ENTHD1: variants seen among roughly 807,000 people sequenced by gnomAD.
The protein encoded by ENTHD1 is ENTH domain containing 1.
Under a neutral mutation model 39.1 loss-of-function variants are expected in ENTHD1, and 23 were observed. The ratio of observed to expected loss-of-function variants is 0.59; its 90% CI spans 0.42 to 0.83. The LOEUF is 0.83. Ranked by LOEUF, ENTHD1 falls within the 40% of genes least tolerant of loss-of-function variation. The probability of loss-of-function intolerance (pLI) is 0.00; values close to 1 mark genes in which losing one functional copy is unlikely to be tolerated. For synonymous variants in ENTHD1, 230 were observed against 258.2 expected, an observed-to-expected ratio of 0.89 and a Z score of 1.05; for missense variants, 624 against 705.4, an observed-to-expected ratio of 0.88 and a Z score of 1.31.
intron 5 of ENTHD1, among the ~76,000 whole-genome samples, chr22:39,785,215 T>C (rs1467998628): frequency 4.6e-5 from 7 of 152,212 alleles, no homozygotes; most frequent in Non-Finnish European, 8.8e-5. Context: ...GAAATGCTGA[T>C]GGAGTGAGGT....
chr22:39,858,161 T>G (rs2066110200), intron 3 of ENTHD1, among the ~76,000 whole-genome samples: 1 of 152,258 alleles, frequency 6.6e-6, no homozygotes, highest in South Asian at 2.1e-4. Flanking sequence ...TTACTAAGTT[T>G]ATGTAATATT....
chr22:39,840,867 C>G (rs562928561), intron 3 of ENTHD1, among the ~76,000 whole-genome samples: 1 of 152,222 alleles, frequency 6.6e-6, no homozygotes, highest in South Asian at 2.1e-4. Flanking sequence ...ATTCTCCTGC[C>G]TCAGCCTCCC....
At chr22:39,891,229 T>C (rs974394764) in intron 1 of ENTHD1, among the ~76,000 whole-genome samples, 12 of 152,210 alleles carry the variant, frequency 7.9e-5, no homozygotes, top group African/African-American at 2.2e-4. Flanking sequence ...ATTTCCTTCA[T>C]TGCACTTGTA....
In ENTHD1 at chr22:39,859,648, C is replaced by A. The variant is rs566551542; in HGVS notation, c.592+2117G>T. Among the ~76,000 whole-genome samples, 36 of 152,226 alleles carry A rather than the reference C, an allele frequency of 2.4e-4. 1 individual carries two copies. Among genetic ancestry groups the A allele is most frequent in the Middle Eastern group, 3.4e-3 (1 of 294 alleles). Reference sequence around the variant, plus strand: ...GACATCTATCAGTAAGTTCACTGGTCTTCTACAGCCATGGTTTGTGGTACC... The same window carrying A: ...GACATCTATCAGTAAGTTCACTGGTATTCTACAGCCATGGTTTGTGGTACC... On this transcript the variant is annotated intron_variant, in intron 3 of 6. Coordinates refer to ENST00000325157, the MANE Select transcript of ENTHD1 (RefSeq NM_152512.4).
At chr22:39,843,154 T>C (rs1253799609) in intron 3 of ENTHD1, among the ~76,000 whole-genome samples, 2 of 152,246 alleles carry the variant, frequency 1.3e-5, no homozygotes, top group Admixed American at 6.5e-5. Context: ...TAAAGACACA[T>C]GCACATGTAT....
chr22:39,867,907 T>C lies in ENTHD1; in HGVS notation c.350-5900A>G, dbSNP rs536237073. On this transcript the variant is annotated intron_variant, in intron 2 of 6. Coordinates refer to ENST00000325157, the MANE Select transcript of ENTHD1 (RefSeq NM_152512.4). This position sits in a 1 kb window ranked among gnomAD's most constrained non-coding sequence, Gnocchi z 4.5. The stretch of plus-strand genomic sequence containing the variant: ...GACACTGCCAGTCTCAAAAACAAGA[T>C]AAAAACCCCCACGAAGCAGAAATAT... Among the ~76,000 whole-genome samples the C allele has an allele frequency of 7.2e-5, 11 of 151,796 alleles. No individual in the cohort carries two copies. Among genetic ancestry groups the C allele is most frequent in the Admixed American group, 3.3e-4 (5 of 15,252 alleles).
intron 2 of ENTHD1, 74 bp downstream of exon 2, chr22:39,887,326 C>T: frequency 7.5e-7 from 1 of 1,341,840 alleles, no homozygotes; most frequent in Non-Finnish European, 1.0e-6. Context: ...GTCCTCCCAC[C>T]TCAGCCTCCC....
At chr22:39,863,410 G>C (rs1207616965) in intron 2 of ENTHD1, among the ~76,000 whole-genome samples, 1 of 152,176 alleles carries the variant, frequency 6.6e-6, no homozygotes, top group Non-Finnish European at 1.5e-5. Context: ...TCTAGTGAGA[G>C]TGATAGCTCT....
intron 6 of ENTHD1, among the ~76,000 whole-genome samples, chr22:39,748,185 G>T (rs2065121225): frequency 6.6e-6 from 1 of 151,166 alleles, no homozygotes. Flanking sequence ...GGAGTTTGAG[G>T]CTGCAGTGAG....
intron 5 of ENTHD1, among the ~76,000 whole-genome samples, chr22:39,813,964 T>C (rs2065713053): frequency 6.6e-6 from 1 of 151,836 alleles, no homozygotes; most frequent in Non-Finnish European, 1.5e-5. Flanking sequence ...GCAATGAAAA[T>C]ACATAAGTAC....
intron 5 of ENTHD1, among the ~76,000 whole-genome samples, chr22:39,813,865 G>A (rs1248260247): frequency 1.3e-5 from 2 of 151,830 alleles, no homozygotes; most frequent in African/African-American, 4.8e-5. Flanking sequence ...CAGGTCTGCT[G>A]GATACAAAAT....
At chr22:39,822,298 G>A (rs1460916066) in intron 4 of ENTHD1, among the ~76,000 whole-genome samples, 1 of 151,524 alleles carries the variant, frequency 6.6e-6, no homozygotes, top group Non-Finnish European at 1.5e-5. Flanking sequence ...TATCATATGA[G>A]TATTCAATTA....
rs1426951210 is a variant in ENTHD1, at chr22:39,861,975, T to C, written c.382A>G (p.Ile128Val). The change falls in exon 3 of 7, where the codon ATC becomes GTC. Residue 128 changes from isoleucine (I) to valine (V), a missense_variant. Transcript: ENST00000325157. ...YYIREKSKQV[I>V]TLLMDEPLLC... ...AATGGTTCATCCATCAGCAATGTGA[T>C]GACTTGCTTAGATTTTTCCCGGATA... 3.9e-6 allele frequency: 6 copies of C among 1,524,138 alleles called. 1 individual carries two copies. The Admixed American group carries it at 5.2e-5, about 13-fold the overall frequency. The allele number at this position is 1,524,138 out of a possible 1,614,324, so 94.4% of individuals were successfully genotyped here.
chr22:39,812,982 C>T (rs1043873219), intron 5 of ENTHD1, among the ~76,000 whole-genome samples: 2 of 152,084 alleles, frequency 1.3e-5, no homozygotes, highest in African/African-American at 2.4e-5. Context: ...GGGGTTTCAC[C>T]GTGTTGGCCA....
chr22:39,793,079 A>G (rs919592885), intron 5 of ENTHD1, among the ~76,000 whole-genome samples: 1 of 152,152 alleles, frequency 6.6e-6, no homozygotes, highest in Non-Finnish European at 1.5e-5. Context: ...CTTTCTCTGC[A>G]TCCTCGCCAG....
intron 5 of ENTHD1, among the ~76,000 whole-genome samples, chr22:39,804,633 C>G (rs569599535): frequency 4.6e-5 from 7 of 151,946 alleles, no homozygotes; most frequent in African/African-American, 1.7e-4. Context: ...TGCTGGGTAC[C>G]GTGTTAGGAA....
chr22:39,767,218 A>G (rs1569131878), intron 5 of ENTHD1, among the ~76,000 whole-genome samples: 1 of 152,232 alleles, frequency 6.6e-6, no homozygotes, highest in Non-Finnish European at 1.5e-5. Flanking sequence ...TCTAAACTGA[A>G]TATAGTTTAA....
intron 1 of ENTHD1, among the ~76,000 whole-genome samples, chr22:39,891,264 A>G (rs545238512): frequency 6.6e-6 from 1 of 152,134 alleles, no homozygotes; most frequent in Non-Finnish European, 1.5e-5. Context: ...CCTATTTGTC[A>G]TTTGCTCAGT....
chr22:39,771,085 CT>C (rs112828049), intron 5 of ENTHD1, among the ~76,000 whole-genome samples: 6 of 151,062 alleles, frequency 4.0e-5, no homozygotes, highest in Admixed American at 6.6e-5. Context: ...AAGCTGTACT[CT>C]TTTTTTTTGC....
Sources: gnomAD v4.1 joint callset for allele counts (sites outside exome capture counted in the v4.1 genomes callset) on GRCh38, gnomAD v4.1.1 for gene constraint, Gnocchi (gnomAD v3.1) non-coding constraint, MANE v1.5 for transcripts, NCBI Gene and HGNC (gene_info 2026-07-23, HGNC 2026-07-21) for gene names.